GRAMD2B: variants seen among roughly 807,000 people sequenced by gnomAD.
GRAMD2B encodes GRAM domain containing 2B.
A neutral mutation model predicts 59.2 loss-of-function variants in GRAMD2B; 41 were observed. That is an observed-to-expected ratio of 0.69 (90% CI 0.54 to 0.90). The LOEUF is 0.90. Among genes scored for constraint, GRAMD2B ranks in the 40% least tolerant of loss-of-function variants. The pLI is 0.00. For missense variants in GRAMD2B, 424 were observed against 500.5 expected (o/e 0.85, Z 1.46); for synonymous variants, 161 against 182.7 (o/e 0.88, Z 0.96).
chr5:126,411,841 G>GGTGTGTGTGTGTGT (rs147604532), intron 1 of GRAMD2B, among the ~76,000 whole-genome samples: 13,186 of 148,730 alleles, frequency 0.089, 675 homozygotes, highest in African/African-American at 0.14. Flanking sequence ...ATATATTTCT[G>GGTGTGTGTGTGTGT]GTGTGTGTGT....
At chr5:126,397,635 G>A (rs1315136498) in intron 1 of GRAMD2B, among the ~76,000 whole-genome samples, 1 of 152,162 alleles carries the variant, frequency 6.6e-6, no homozygotes, top group Non-Finnish European at 1.5e-5. Flanking sequence ...AGACAATCAT[G>A]TGGTTTTCTT....
rs1770910120 is a variant in GRAMD2B at position 126,477,804 on chromosome 5, G to T, written c.582+17G>T. ...ACAGACAGGGTGAGTATGCAGCCGAGCGAGGGCATCTTTGCTTTGTCCTCC... is the reference window on the plus strand; with the variant it reads ...ACAGACAGGGTGAGTATGCAGCCGATCGAGGGCATCTTTGCTTTGTCCTCC... On this transcript the variant is annotated intron_variant, in intron 6 of 13. Coordinates refer to ENST00000285689, the MANE Select transcript of GRAMD2B (RefSeq NM_023927.4). 2 of 1,505,064 alleles carry T rather than the reference G, an allele frequency of 1.3e-6. No homozygotes were observed. The highest frequency in any genetic ancestry group is 2.7e-5 in the African/African-American group (2 of 72,792). The allele number at this position is 1,505,064 out of a possible 1,614,324, so 93.2% of individuals were successfully genotyped here.
intron 1 of GRAMD2B, among the ~76,000 whole-genome samples, chr5:126,431,414 C>G (rs973965249): frequency 6.6e-6 from 1 of 152,172 alleles, no homozygotes; most frequent in African/African-American, 2.4e-5. Flanking sequence ...TAAACAAACC[C>G]ATTAGAATAT....
intron 1 of GRAMD2B, among the ~76,000 whole-genome samples, chr5:126,394,887 A>G (rs1030008210): frequency 1.3e-5 from 2 of 152,236 alleles, no homozygotes; most frequent in Non-Finnish European, 2.9e-5. Flanking sequence ...TGAGCCAGCC[A>G]AACTAATAAC....
intron 12 of GRAMD2B, among the ~76,000 whole-genome samples, chr5:126,487,410 G>T (rs990353545): frequency 2.0e-5 from 3 of 152,114 alleles, no homozygotes; most frequent in African/African-American, 7.2e-5. Context: ...CTTGACCACT[G>T]TCAAGATCAA....
At chr5:126,447,902 G>A (rs887191145) in intron 1 of GRAMD2B, among the ~76,000 whole-genome samples, 1 of 151,164 alleles carries the variant, frequency 6.6e-6, no homozygotes, top group Non-Finnish European at 1.5e-5. Context: ...CTGTTGCCCA[G>A]TTTGGAGCAC....
intron 1 of GRAMD2B, among the ~76,000 whole-genome samples, chr5:126,380,819 C>A (rs1755597480): frequency 6.6e-6 from 1 of 152,098 alleles, no homozygotes; most frequent in Non-Finnish European, 1.5e-5. Context: ...TTAGGGTTTT[C>A]TAGGTATACC....
intron 1 of GRAMD2B, among the ~76,000 whole-genome samples, chr5:126,457,002 C>G (rs1766402031): frequency 2.0e-5 from 3 of 151,230 alleles, no homozygotes; most frequent in Admixed American, 2.0e-4. Flanking sequence ...ACCATCCTGG[C>G]TAACACGGTG....
intron 9 of GRAMD2B, 108 bp from the exon 10 acceptor site, chr5:126,484,294 C>T: frequency 7.8e-7 from 1 of 1,283,368 alleles, no homozygotes; most frequent in Non-Finnish European, 1.1e-6. Flanking sequence ...ACCATCCATT[C>T]ACATTCTTGA....
At chr5:126,492,443 G>A (rs1422963645) in intron 13 of GRAMD2B, among the ~76,000 whole-genome samples, 1 of 151,202 alleles carries the variant, frequency 6.6e-6, no homozygotes, top group African/African-American at 2.4e-5. Context: ...ATTGTCAGCT[G>A]GACATGGTGG....
chr5:126,364,938 C>T (rs1029748930), intron 1 of GRAMD2B, among the ~76,000 whole-genome samples: 1 of 152,162 alleles, frequency 6.6e-6, no homozygotes, highest in African/African-American at 2.4e-5. Flanking sequence ...GAAGATGTGT[C>T]GGTTTCTCAC....
chr5:126,478,011 CA>C (rs1447938786), intron 6 of GRAMD2B, among the ~76,000 whole-genome samples: 1 of 152,062 alleles, frequency 6.6e-6, no homozygotes, highest in Non-Finnish European at 1.5e-5. Context: ...GAAGTGTTGC[CA>C]ATTTTGAATT....
At chr5:126,401,925 G>A (rs148277948) in intron 1 of GRAMD2B, among the ~76,000 whole-genome samples, 6 of 151,920 alleles carry the variant, frequency 3.9e-5, no homozygotes, top group South Asian at 2.1e-4. Context: ...GTCATATACC[G>A]GGGTCACTCT....
At chr5:126,368,699 C>G (rs2068153271), upstream of GRAMD2B, among the ~76,000 whole-genome samples, 1 of 152,190 alleles carries the variant, frequency 6.6e-6, no homozygotes. Flanking sequence ...TCCTAAAGGC[C>G]TTTGAGTTTG....
At chr5:126,455,613 A>G (rs565599592) in intron 1 of GRAMD2B, among the ~76,000 whole-genome samples, 4 of 152,234 alleles carry the variant, frequency 2.6e-5, no homozygotes, top group Non-Finnish European at 4.4e-5. Flanking sequence ...CTTTGGACAG[A>G]GAGGTAGCAC....
At chr5:126,443,174 A>AT (rs2149837581) in intron 1 of GRAMD2B, among the ~76,000 whole-genome samples, 1 of 152,264 alleles carries the variant, frequency 6.6e-6, no homozygotes, top group Admixed American at 6.5e-5. Context: ...TAGTCCCAAG[A>AT]TTTTGGTGGG....
chr5:126,487,011 C>A, intron 12 of GRAMD2B, 34 bp downstream of exon 12: 1 of 1,128,086 alleles, frequency 8.9e-7, no homozygotes, highest in Non-Finnish European at 1.3e-6. Context: ...CATCTGCTTG[C>A]CATTCTGCTT....
chr5:126,411,254 T>G (rs1758760426), intron 1 of GRAMD2B, among the ~76,000 whole-genome samples: 1 of 152,122 alleles, frequency 6.6e-6, no homozygotes, highest in Non-Finnish European at 1.5e-5. Flanking sequence ...TTAAAATCTT[T>G]TATCCATCTT....
intron 1 of GRAMD2B, among the ~76,000 whole-genome samples, chr5:126,439,579 G>C (rs1410808456): frequency 6.6e-6 from 1 of 152,090 alleles, no homozygotes; most frequent in Non-Finnish European, 1.5e-5. Flanking sequence ...TCCTGCCTCA[G>C]CTTCCCAAAG....
Sources: gnomAD v4.1 joint callset for allele counts (sites outside exome capture counted in the v4.1 genomes callset) on GRCh38, gnomAD v4.1.1 for gene constraint, MANE v1.5 for transcripts, NCBI Gene and HGNC (gene_info 2026-07-23, HGNC 2026-07-21) for gene names.